The following KCNG2 variants were observed in gnomAD, a reference collection of about 807,000 sequenced individuals.
The protein encoded by KCNG2 is voltage-gated potassium channel regulatory subunit KCNG2.
In KCNG2, 7 loss-of-function variants were observed where a neutral mutation model predicts 12.3. That is an observed-to-expected ratio of 0.57 (90% CI 0.32 to 1.07). The LOEUF (loss-of-function observed/expected upper bound fraction) is 1.07, where lower values mean the gene tolerates loss of function less well. Among genes scored for constraint, KCNG2 ranks in the 50% least tolerant of loss-of-function variants. KCNG2 has a pLI of 0.04. For missense variants in KCNG2, 703 were observed against 726.0 expected, an observed-to-expected ratio of 0.97 and a Z score of 0.36; for synonymous variants, 414 against 351.4, an observed-to-expected ratio of 1.18 and a Z score of -1.99.
At chr18:79,876,318 G>C (rs918280436) in intron 3 of KCNG2, 11 of 152,722 alleles carry the variant, frequency 7.2e-5, no homozygotes, top group African/African-American at 2.7e-4. Flanking sequence ...CAGCCAGGCA[G>C]GGATGATCGG....
intron 2 of KCNG2, among the ~76,000 whole-genome samples, chr18:79,860,969 T>C (rs372289039): frequency 2.6e-5 from 4 of 152,326 alleles, no homozygotes; most frequent in South Asian, 4.1e-4. Context: ...GACCTTGTCA[T>C]GTGGAGGAAG....
intron 1 of KCNG2, among the ~76,000 whole-genome samples, chr18:79,798,954 TCCCCACACAGCAGGGGCTGCGGGGAC>T (rs1167709702): frequency 6.6e-6 from 1 of 152,142 alleles, no homozygotes; most frequent in Admixed American, 6.5e-5. Context: ...TCCCGGGGTC[TCCCCACACAGCAGGGGCTGCGGGGAC>T]CCCCTCTGTC....
chr18:79,890,843 C>T lies in KCNG2; in HGVS notation c.625-8197C>T, dbSNP rs182988809. Reference sequence around the variant, plus strand: ...CCATTTTACCTGTTACCTACTGTGACGGCGCACGATTATTCACAGTGCTGC... The same window carrying T: ...CCATTTTACCTGTTACCTACTGTGATGGCGCACGATTATTCACAGTGCTGC... On this transcript the variant is annotated intron_variant, in intron 3 of 3. Coordinates refer to ENST00000316249, the MANE Select transcript of KCNG2 (RefSeq NM_012283.2). Among the ~76,000 whole-genome samples, 9 of 152,324 alleles carry T rather than the reference C, an allele frequency of 5.9e-5. No individual in the cohort carries two copies. The East Asian group carries it at 1.7e-3, about 29-fold the overall frequency.
intron 1 of KCNG2, among the ~76,000 whole-genome samples, chr18:79,843,330 C>T (rs1568253122): frequency 1.3e-5 from 2 of 152,176 alleles, no homozygotes. Context: ...ACCACTAAAT[C>T]TGCCTTACCA....
chr18:79,876,739 G>A (rs1230974796), intron 3 of KCNG2, among the ~76,000 whole-genome samples: 2 of 152,234 alleles, frequency 1.3e-5, no homozygotes, highest in African/African-American at 4.8e-5. Context: ...AGACCGCCTG[G>A]TCTCGCTCTT....
intron 1 of KCNG2, among the ~76,000 whole-genome samples, chr18:79,835,449 G>T (rs1205589874): frequency 6.6e-6 from 1 of 152,198 alleles, no homozygotes; most frequent in Non-Finnish European, 1.5e-5. Flanking sequence ...GCTTGAAACA[G>T]ATGAGAAATA....
intron 2 of KCNG2, among the ~76,000 whole-genome samples, chr18:79,862,588 G>A (rs1043125550): frequency 6.6e-6 from 1 of 152,168 alleles, no homozygotes; most frequent in African/African-American, 2.4e-5. Flanking sequence ...CAGCCGAGGC[G>A]TGTGCGTGGC....
intron 1 of KCNG2, among the ~76,000 whole-genome samples, chr18:79,834,947 C>T (rs1432221676): frequency 6.6e-6 from 1 of 152,220 alleles, no homozygotes; most frequent in East Asian, 1.9e-4. Context: ...CTTGTTTATA[C>T]TGAGTCTGTC....
chr18:79,832,257 A>ACCTCACCTGCCCTTCTTCACCTGC (rs537885423), intron 1 of KCNG2, among the ~76,000 whole-genome samples: 1 of 127,342 alleles, frequency 7.9e-6, no homozygotes, highest in Admixed American at 8.2e-5. Flanking sequence ...CACCCGTGAG[A>ACCTCACCTGCCCTTCTTCACCTGC]CCTCACCTGC....
chr18:79,866,578 G>C (rs1193488414), intron 3 of KCNG2, among the ~76,000 whole-genome samples: 3 of 147,582 alleles, frequency 2.0e-5, no homozygotes, highest in Non-Finnish European at 4.5e-5. Context: ...CGAGGTCTCT[G>C]TGCTGAGAGG....
chr18:79,899,574 C>T lies in KCNG2; in HGVS notation c.1159C>T (p.Leu387Phe). 1.2e-6 allele frequency: 2 copies of T among 1,600,468 alleles called. No individual in the cohort carries two copies. The highest frequency in any genetic ancestry group is 1.7e-6 in the Non-Finnish European group (2 of 1,173,674). Reference protein sequence around the residue: ...PRSLPGQVVALSSILSGILLM... With the variant: ...PRSLPGQVVAFSSILSGILLM... The stretch of plus-strand genomic sequence containing the variant: ...CAGCCTGCCCGGGCAGGTGGTGGCG[C>T]TCAGCAGCATCCTCAGCGGCATCCT... The change falls in exon 4 of 4, where the codon CTC becomes TTC. Residue 387 changes from leucine (L) to phenylalanine (F), a missense_variant. Physicochemically the swap from Leu to Phe is conservative, Grantham distance 22. Coordinates refer to ENST00000316249, the MANE Select transcript of KCNG2 (RefSeq NM_012283.2).
chr18:79,899,020 C>G lies in KCNG2; in HGVS notation c.625-20C>G. The G allele has an allele frequency of 6.6e-7, 1 of 1,517,686 alleles. No individual in the cohort carries two copies. 94.0% of individuals were successfully genotyped at this position (1,517,686 alleles called of 1,614,324 possible). A position where few individuals can be genotyped will look rare whatever the true frequency, so the allele number is the denominator to read the frequency against. On this transcript the variant is annotated intron_variant, in intron 3 of 3. Coordinates refer to ENST00000316249, the MANE Select transcript of KCNG2 (RefSeq NM_012283.2). The stretch of plus-strand genomic sequence containing the variant: ...TCCAAGAGGCCTGCGCCCCCAACCC[C>G]GTGTCCCCTCTCCCCGCAGGGCGAG...
chr18:79,862,612 G>A (rs1000343123), intron 2 of KCNG2, among the ~76,000 whole-genome samples: 6 of 152,098 alleles, frequency 3.9e-5, no homozygotes, highest in Non-Finnish European at 8.8e-5. Context: ...CCAGATTCCC[G>A]GGAACTCTTA....
chr18:79,871,622 A>G (rs965765746), intron 3 of KCNG2, among the ~76,000 whole-genome samples: 14 of 152,192 alleles, frequency 9.2e-5, no homozygotes, highest in African/African-American at 3.4e-4. Context: ...GTGCAGGACC[A>G]GCCGGTGGCC....
intron 3 of KCNG2, among the ~76,000 whole-genome samples, chr18:79,876,473 C>A (rs1035671112): frequency 6.6e-6 from 1 of 152,222 alleles, no homozygotes; most frequent in African/African-American, 2.4e-5. Context: ...TGGAAACCAG[C>A]GGCCCAGGGA....
At chr18:79,873,434 C>CG (rs1555695258) in intron 3 of KCNG2, among the ~76,000 whole-genome samples, 3 of 145,082 alleles carry the variant, frequency 2.1e-5, no homozygotes, top group African/African-American at 7.6e-5. Flanking sequence ...CCTCCCCCCC[C>CG]CCCAGCCACC....
chr18:79,802,062 A>T (rs1368632929), intron 1 of KCNG2, among the ~76,000 whole-genome samples: 2 of 152,214 alleles, frequency 1.3e-5, no homozygotes, highest in East Asian at 1.9e-4. Context: ...TGATTTGTGG[A>T]TGTGACTTGC....
intron 3 of KCNG2, among the ~76,000 whole-genome samples, chr18:79,864,992 CTG>C: frequency 7.1e-6 from 1 of 140,942 alleles, no homozygotes; most frequent in African/African-American, 2.7e-5. Context: ...GGTCTGTGTG[CTG>C]AGAGGTCTGG....
At position 79,884,739 on chromosome 18, in the gene KCNG2, G is replaced by T. The variant is rs1336577490; in HGVS notation, c.625-14301G>T. The stretch of plus-strand genomic sequence containing the variant: ...GTGATGGGGAGCCACGGGGGCAGGG[G>T]TCCGCCCGGCTCTGTGTTCCTCGGG... On this transcript the variant is annotated intron_variant, in intron 3 of 3. Coordinates refer to ENST00000316249, the MANE Select transcript of KCNG2 (RefSeq NM_012283.2). The surrounding 1 kb of genome is among the most constrained non-coding windows in gnomAD (Gnocchi z 5.5). Among the ~76,000 whole-genome samples the T allele has an allele frequency of 2.6e-5, 4 of 152,214 alleles. No individual in the cohort carries two copies. Among genetic ancestry groups the T allele is most frequent in the Non-Finnish European group, 4.4e-5 (3 of 68,034 alleles).
Sources: allele counts gnomAD v4.1 joint callset (sites outside exome capture counted in the v4.1 genomes callset), GRCh38; gene constraint gnomAD v4.1.1; non-coding constraint Gnocchi (gnomAD v3.1); transcripts MANE v1.5; gene names NCBI Gene and HGNC (gene_info 2026-07-23, HGNC 2026-07-21).